Variants in FHOD3 observed in about 807,000 individuals in gnomAD.
FHOD3 encodes the protein formin homology 2 domain containing 3, also known as FH1/FH2 domain-containing protein 3.
FHOD3 carries 90 observed loss-of-function variants against 173.0 expected under a neutral mutation model. The observed-to-expected ratio is 0.52, with a 90% CI of 0.44 to 0.62. The LOEUF is 0.62. Among genes scored for constraint, FHOD3 ranks in the 20% least tolerant of loss-of-function variants. The pLI is 0.00. For synonymous variants in FHOD3, 828 were observed against 823.0 expected (o/e 1.01, Z -0.10); for missense variants, 1,945 against 2,034.7 (o/e 0.96, Z 0.85).
intron 25 of FHOD3, among the ~76,000 whole-genome samples, chr18:36,758,658 G>A (rs747623815): frequency 4.6e-5 from 7 of 152,202 alleles, no homozygotes; most frequent in Non-Finnish European, 8.8e-5. Context: ...AGGGCCGGCA[G>A]CTGACAGGCA....
intron 2 of FHOD3, among the ~76,000 whole-genome samples, chr18:36,372,290 A>C (rs7244002): frequency 0.013 from 1,918 of 152,200 alleles, 40 homozygotes; most frequent in African/African-American, 0.044. Flanking sequence ...TCTGCCCCCA[A>C]CCCCACAAAA....
chr18:36,513,193 A>C (rs559624435), intron 5 of FHOD3, among the ~76,000 whole-genome samples: 61 of 151,998 alleles, frequency 4.0e-4, no homozygotes, highest in South Asian at 6.3e-4. Flanking sequence ...AAAAAAAAAA[A>C]AACAAATAAC....
intron 9 of FHOD3, 89 bp downstream of exon 9, chr18:36,612,184 C>G (rs1006997274): frequency 7.4e-7 from 1 of 1,359,962 alleles, no homozygotes; most frequent in Admixed American, 2.1e-5. Context: ...ACGCGTAAAG[C>G]GTATGAGCAC....
At chr18:36,534,536 G>A (rs1211706899) in intron 5 of FHOD3, among the ~76,000 whole-genome samples, 1 of 151,292 alleles carries the variant, frequency 6.6e-6, no homozygotes, top group South Asian at 2.1e-4. Flanking sequence ...AGATAGGGTC[G>A]CACTCTGTCG....
Position 36,622,115 on chromosome 18 carries a change from T to C in FHOD3, c.958-3396T>C, listed in dbSNP as rs1401019804. The stretch of plus-strand genomic sequence containing the variant: ...GACAAATACTGCATATTTTCACTTA[T>C]ATGAGGTATCTAAAATAGACTCACA... On this transcript the variant is annotated intron_variant, in intron 9 of 28. Transcript: ENST00000590592. Among the ~76,000 whole-genome samples, 2 of 152,316 alleles carry C rather than the reference T, an allele frequency of 1.3e-5. 1 individual carries two copies. Among genetic ancestry groups the C allele is most frequent in the South Asian group, 4.2e-4 (2 of 4,816 alleles).
At chr18:36,496,954 A>G (rs1156677029) in intron 3 of FHOD3, among the ~76,000 whole-genome samples, 2 of 152,210 alleles carry the variant, frequency 1.3e-5, no homozygotes, top group Admixed American at 1.3e-4. Flanking sequence ...ATTTTAAGGG[A>G]AATTTCAGCC....
At chr18:36,442,058 A>G (rs889549290) in intron 3 of FHOD3, among the ~76,000 whole-genome samples, 5 of 152,164 alleles carry the variant, frequency 3.3e-5, no homozygotes. Context: ...ATTATTTTTC[A>G]CAATTTAGAA....
chr18:36,729,625 G>A (rs772356771), intron 19 of FHOD3, among the ~76,000 whole-genome samples: 1 of 152,196 alleles, frequency 6.6e-6, no homozygotes, highest in Non-Finnish European at 1.5e-5. Context: ...AGCAGAGGGA[G>A]AGAACTAGTA....
chr18:36,710,654 A>G (rs1372465052), intron 18 of FHOD3: 2 of 152,240 alleles, frequency 1.3e-5, no homozygotes, highest in Non-Finnish European at 2.9e-5. Context: ...ATTAGTTTAC[A>G]TCTTAGGAAT....
rs148203630 is a variant in FHOD3, at chr18:36,737,700, G to A, written c.3577-2956G>A. ...CACTGGCTTCTGATAAACTAAGGCC[G>A]CTCTGCCTGTTAACACCCTCTTCAA... On this transcript the variant is annotated intron_variant, in intron 20 of 28. Transcript: ENST00000590592. Among the ~76,000 whole-genome samples, 450 of 152,246 alleles carry A rather than the reference G, an allele frequency of 3.0e-3. 1 individual carries two copies. Among genetic ancestry groups the A allele is most frequent in the African/African-American group, 0.01 (429 of 41,534 alleles).
chr18:36,756,774 C>T (rs893451628), intron 25 of FHOD3, among the ~76,000 whole-genome samples: 7 of 152,330 alleles, frequency 4.6e-5, no homozygotes, highest in Non-Finnish European at 7.3e-5. Flanking sequence ...TTAGGAAGTG[C>T]TCAGGTCACT....
chr18:36,334,459 A>G (rs2045195328), intron 1 of FHOD3, among the ~76,000 whole-genome samples: 1 of 152,216 alleles, frequency 6.6e-6, no homozygotes, highest in African/African-American at 2.4e-5. Flanking sequence ...AACAGCTAAC[A>G]CCATGTCTTA....
chr18:36,769,526 G>T, intron 28 of FHOD3, 100 bp downstream of exon 28: 1 of 1,427,994 alleles, frequency 7.0e-7, no homozygotes, highest in Non-Finnish European at 9.4e-7. Context: ...CCAGTGAATT[G>T]TCAGTGGCTC....
intron 4 of FHOD3, among the ~76,000 whole-genome samples, chr18:36,509,429 AAAAAAAAAAAAAG>A (rs200352257): frequency 0.29 from 42,015 of 147,398 alleles, 7,067 homozygotes; most frequent in Non-Finnish European, 0.39. Context: ...TCCATCTCAA[AAAAAAAAAAAAAG>A]AAAAAAAAAA....
At chr18:36,568,002 C>T (rs2147819010) in intron 5 of FHOD3, among the ~76,000 whole-genome samples, 1 of 151,898 alleles carries the variant, frequency 6.6e-6, no homozygotes, top group South Asian at 2.1e-4. Flanking sequence ...TTAAGTAATG[C>T]TCCAGCTCTC....
chr18:36,378,579 C>G (rs1490777664), intron 3 of FHOD3, among the ~76,000 whole-genome samples: 3 of 140,368 alleles, frequency 2.1e-5, no homozygotes, highest in East Asian at 2.0e-4. Flanking sequence ...CCCTGTCCCC[C>G]CTGGACCCCT....
chr18:36,619,982 G>A (rs1409964343), intron 9 of FHOD3, among the ~76,000 whole-genome samples: 1 of 152,298 alleles, frequency 6.6e-6, no homozygotes, highest in Non-Finnish European at 1.5e-5. Context: ...GAGCCTGGGG[G>A]ACATTGAGAT....
At position 36,514,154 on chromosome 18, in the gene FHOD3, A is replaced by G. The variant is rs575167686; in HGVS notation, c.511+1611A>G. Reference sequence around the variant, plus strand: ...CTCCCGAGTAGCTGGGACTACAGGCACCCGCCACCATGCCCAGCTAATTTT... The same window carrying G: ...CTCCCGAGTAGCTGGGACTACAGGCGCCCGCCACCATGCCCAGCTAATTTT... On this transcript the variant is annotated intron_variant, in intron 5 of 28. Transcript: ENST00000590592. Among the ~76,000 whole-genome samples, 17 of 151,382 alleles carry G rather than the reference A, an allele frequency of 1.1e-4. No homozygotes were observed. In the South Asian group the frequency reaches 2.3e-3, roughly 20 times the overall value.
chr18:36,435,479 A>G (rs2050765913), intron 3 of FHOD3, among the ~76,000 whole-genome samples: 1 of 152,164 alleles, frequency 6.6e-6, no homozygotes, highest in African/African-American at 2.4e-5. Context: ...GTTTCTCACT[A>G]AGTAACAGTT....
Sources: gnomAD v4.1 joint callset for allele counts (sites outside exome capture counted in the v4.1 genomes callset) on GRCh38, gnomAD v4.1.1 for gene constraint, MANE v1.5 for transcripts, NCBI Gene and HGNC (gene_info 2026-07-23, HGNC 2026-07-21) for gene names.